Variants in PPARGC1A observed in about 807,000 individuals in gnomAD.
PPARGC1A encodes the protein PPARG coactivator 1 alpha, also known as peroxisome proliferator-activated receptor gamma coactivator 1-alpha.
A neutral mutation model predicts 88.7 loss-of-function variants in PPARGC1A; 25 were observed. The ratio of observed to expected loss-of-function variants is 0.28; its 90% CI spans 0.21 to 0.39. The LOEUF (loss-of-function observed/expected upper bound fraction) is 0.39, where lower values mean the gene tolerates loss of function less well. Ranked by LOEUF, PPARGC1A falls within the 10% of genes least tolerant of loss-of-function variation. The pLI, the probability that PPARGC1A is intolerant of heterozygous loss-of-function variation, is 1.00. For missense variants in PPARGC1A, 880 were observed against 968.7 expected (o/e 0.91, Z 1.22); for synonymous variants, 363 against 355.6 (o/e 1.02, Z -0.24).
the PPARGC1A span, among the ~76,000 whole-genome samples, chr4:24,112,424 A>G: frequency 0.21 from 31,328 of 152,130 alleles, 4,147 homozygotes; most frequent in Admixed American, 0.34. Flanking sequence ...ACCCTAAAAA[A>G]TGTGAAGCAG....
At chr4:24,271,487 C>T in the PPARGC1A span, among the ~76,000 whole-genome samples, 1 of 152,158 alleles carries the variant, frequency 6.6e-6, no homozygotes, top group East Asian at 1.9e-4. Context: ...ACGCCATTCT[C>T]CTGCCTCAGC....
chr4:24,050,913 C>T, the PPARGC1A span, among the ~76,000 whole-genome samples: 3 of 152,092 alleles, frequency 2.0e-5, no homozygotes, highest in Non-Finnish European at 4.4e-5. Context: ...CTGGGCCGGG[C>T]GCAGTGGCTC....
chr4:24,431,706 A>G, the PPARGC1A span, among the ~76,000 whole-genome samples: 1 of 152,212 alleles, frequency 6.6e-6, no homozygotes, highest in African/African-American at 2.4e-5. Flanking sequence ...ATCTCCATAC[A>G]TATTTGTGTC....
chr4:24,085,305 T>C, the PPARGC1A span, among the ~76,000 whole-genome samples: 1 of 152,204 alleles, frequency 6.6e-6, no homozygotes. Context: ...TTAATGACAA[T>C]AAAACCTTGC....
chr4:24,039,618 T>C, the PPARGC1A span, among the ~76,000 whole-genome samples: 17,484 of 152,066 alleles, frequency 0.11, 1,144 homozygotes, highest in South Asian at 0.19. Context: ...GATGGTCAAA[T>C]TCATAATCTC....
the PPARGC1A span, among the ~76,000 whole-genome samples, chr4:23,963,496 T>TTAA: frequency 6.6e-6 from 1 of 152,344 alleles, no homozygotes; most frequent in South Asian, 2.1e-4. Flanking sequence ...ACATGGGTAT[T>TTAA]TAATGCCTTT....
At chr4:23,998,560 A>G in the PPARGC1A span, among the ~76,000 whole-genome samples, 1 of 152,228 alleles carries the variant, frequency 6.6e-6, no homozygotes, top group Non-Finnish European at 1.5e-5. Flanking sequence ...GGTAGGTCAC[A>G]TGATAACAGG....
intron 2 of PPARGC1A, among the ~76,000 whole-genome samples, chr4:23,840,682 T>C (rs550567706): frequency 5.9e-5 from 9 of 152,294 alleles, no homozygotes; most frequent in Non-Finnish European, 8.8e-5. Flanking sequence ...TTGATTATTA[T>C]TGAGATACTT....
At chr4:24,437,320 G>T in the PPARGC1A span, among the ~76,000 whole-genome samples, 1 of 152,148 alleles carries the variant, frequency 6.6e-6, no homozygotes, top group African/African-American at 2.4e-5. Context: ...CAGTGGCCAC[G>T]TTAGCTGGGG....
the PPARGC1A span, among the ~76,000 whole-genome samples, chr4:24,142,662 A>C: frequency 6.6e-6 from 1 of 150,944 alleles, no homozygotes; most frequent in African/African-American, 2.4e-5. Context: ...TGACAGAGTG[A>C]GGCTCCATCT....
the PPARGC1A span, among the ~76,000 whole-genome samples, chr4:23,926,995 TTGAC>T: frequency 2.0e-5 from 3 of 152,200 alleles, no homozygotes; most frequent in Non-Finnish European, 4.4e-5. Context: ...CAGATGTGCC[TTGAC>T]TGACAATGGG....
the PPARGC1A span, among the ~76,000 whole-genome samples, chr4:24,088,166 TAG>T: frequency 6.6e-6 from 1 of 151,748 alleles, no homozygotes; most frequent in African/African-American, 2.4e-5. Flanking sequence ...CGAGGCAACA[TAG>T]AGAGATCCCA....
the PPARGC1A span, among the ~76,000 whole-genome samples, chr4:24,378,720 A>T: frequency 6.6e-6 from 1 of 152,198 alleles, no homozygotes; most frequent in Non-Finnish European, 1.5e-5. Flanking sequence ...TTGCCCTTAC[A>T]TAATAGCTTT....
At chr4:24,360,218 C>T in the PPARGC1A span, among the ~76,000 whole-genome samples, 19 of 152,308 alleles carry the variant, frequency 1.2e-4, no homozygotes, top group Middle Eastern at 3.4e-3. Context: ...TAGCCCACCA[C>T]GGTCCATTTT....
the PPARGC1A span, among the ~76,000 whole-genome samples, chr4:24,014,519 G>A: frequency 6.6e-5 from 10 of 151,982 alleles, no homozygotes; most frequent in Non-Finnish European, 8.8e-5. Flanking sequence ...CTCTTCTCAC[G>A]GCCTTGCAAG....
chr4:24,351,694 A>T, the PPARGC1A span, among the ~76,000 whole-genome samples: 3 of 152,184 alleles, frequency 2.0e-5, no homozygotes, highest in Non-Finnish European at 4.4e-5. Flanking sequence ...AATATTTAAA[A>T]TTACTTTAAG....
the PPARGC1A span, among the ~76,000 whole-genome samples, chr4:24,371,786 C>CA: frequency 0.22 from 28,389 of 131,970 alleles, 2,995 homozygotes; most frequent in African/African-American, 0.31. Flanking sequence ...ACAAAAAATA[C>CA]AAAAAAAAAA....
At chr4:23,808,556 A>C (rs1341960990) in intron 10 of PPARGC1A, among the ~76,000 whole-genome samples, 2 of 152,208 alleles carry the variant, frequency 1.3e-5, no homozygotes, top group Admixed American at 1.3e-4. Context: ...GAGCAGTGAC[A>C]GTTTAGACAC....
the PPARGC1A span, among the ~76,000 whole-genome samples, chr4:23,996,593 C>T: frequency 1.2e-4 from 19 of 152,018 alleles, no homozygotes; most frequent in Non-Finnish European, 2.5e-4. Context: ...CCCAACCCCA[C>T]TCTGTTTCTC....
Sources: allele counts gnomAD v4.1 joint callset (sites outside exome capture counted in the v4.1 genomes callset), GRCh38; gene constraint gnomAD v4.1.1; transcripts MANE v1.5; gene names NCBI Gene and HGNC (gene_info 2026-07-23, HGNC 2026-07-21).